HTT: variants seen among roughly 807,000 people sequenced by gnomAD.
HTT encodes huntington disease protein.
HTT carries 104 observed loss-of-function variants against 362.3 expected under a neutral mutation model. The observed-to-expected ratio is 0.29, with a 90% CI of 0.24 to 0.34. The LOEUF (loss-of-function observed/expected upper bound fraction) is 0.34. Among genes scored for constraint, HTT ranks in the 10% least tolerant of loss-of-function variants. The pLI, the probability that HTT is intolerant of heterozygous loss-of-function variation, is 1.00. For synonymous variants in HTT, 1,577 were observed against 1,548.7 expected (o/e 1.02, Z -0.43); for missense variants, 3,301 against 3,928.6 (o/e 0.84, Z 4.27).
chr4:3,199,949 T>C lies in HTT; in HGVS notation c.5576+10T>C. 6.2e-7 allele frequency: 1 copy of C among 1,608,442 alleles called. No homozygotes were observed. Among genetic ancestry groups the C allele is most frequent in the African/African-American group, 1.3e-5 (1 of 74,928 alleles). ...TGCAGCAGACCCCGAAGTAGGTTCA[T>C]AATGCCCCACAGCCCAGGGCGCCAG... On this transcript the variant is annotated intron_variant, in intron 41 of 66. Transcript: ENST00000355072.
At chr4:3,150,513 G>C (rs995966530) in intron 26 of HTT, among the ~76,000 whole-genome samples, 2 of 152,124 alleles carry the variant, frequency 1.3e-5, no homozygotes, top group Non-Finnish European at 2.9e-5. Context: ...GACACGGTGT[G>C]ATGAGCTCAG....
chr4:3,178,471 C>T (rs769011589), intron 35 of HTT, 25 bp downstream of exon 35: 15 of 1,608,574 alleles, frequency 9.3e-6, no homozygotes, highest in South Asian at 1.1e-5. Context: ...CTTTCACTGT[C>T]GTCTTCGGTG....
chr4:3,213,221 G>T (rs1180102777), intron 49 of HTT, among the ~76,000 whole-genome samples: 1 of 152,176 alleles, frequency 6.6e-6, no homozygotes, highest in Non-Finnish European at 1.5e-5. Flanking sequence ...AGAAAGGGAG[G>T]AGTCCAAAGG....
intron 49 of HTT, among the ~76,000 whole-genome samples, chr4:3,213,690 A>G (rs1426967829): frequency 2.0e-5 from 3 of 152,166 alleles, no homozygotes; most frequent in Non-Finnish European, 4.4e-5. Flanking sequence ...AGCCCAGGAG[A>G]GATTTCTACA....
At chr4:3,099,832 G>T (rs1714061397) in intron 3 of HTT, among the ~76,000 whole-genome samples, 2 of 150,090 alleles carry the variant, frequency 1.3e-5, no homozygotes, top group Non-Finnish European at 3.0e-5. Flanking sequence ...GTGCTCTATT[G>T]TATGGTTTGG....
chr4:3,218,878 G>C lies in HTT; in HGVS notation c.7242+926G>C, dbSNP rs1268928447. The stretch of plus-strand genomic sequence containing the variant: ...CCAGCAGGTGTAGGTCAGGGAGAAT[G>C]GAGCCAGGTCCCAGGGAAGAGGCTT... On this transcript the variant is annotated intron_variant, in intron 52 of 66. Transcript: ENST00000355072. The surrounding 1 kb of genome is among the most constrained non-coding windows in gnomAD (Gnocchi z 4.4). Among the ~76,000 whole-genome samples, 1 of 152,194 alleles carries C rather than the reference G, an allele frequency of 6.6e-6. No homozygotes were observed. The highest frequency in any genetic ancestry group is 1.5e-5 in the Non-Finnish European group (1 of 68,044).
Position 3,217,820 on chromosome 4 carries a change from G to A in HTT, c.7110G>A (p.Leu2370=). Residue 2370 remains leucine, a synonymous_variant, in exon 52 of 67, where the codon CTG becomes CTA. Coordinates refer to ENST00000355072, the MANE Select transcript of HTT (RefSeq NM_001388492.1). The part of the protein sequence containing the change: ...CEMVAEMVES[L]QSVLALGHKR... ...TGGTGGCAGAAATGGTGGAGTCTCT[G>A]CAGTCGGTGTTGGCCTTGGGTCATA... 1 of 1,614,206 alleles carries A rather than the reference G, an allele frequency of 6.2e-7. No homozygotes were observed. The highest frequency in any genetic ancestry group is 8.5e-7 in the Non-Finnish European group (1 of 1,180,022).
intron 1 of HTT, among the ~76,000 whole-genome samples, chr4:3,085,112 C>T (rs891544392): frequency 6.6e-6 from 1 of 151,576 alleles, no homozygotes; most frequent in Non-Finnish European, 1.5e-5. Flanking sequence ...CTTGATTACA[C>T]AATTAGAGGA....
chr4:3,127,703 C>T (rs1046399352), intron 12 of HTT, 99 bp downstream of exon 12: 5 of 850,810 alleles, frequency 5.9e-6, no homozygotes, highest in Non-Finnish European at 9.1e-6. Context: ...GGGGCTCATG[C>T]CTGTAATCCC....
At chr4:3,195,163 A>G (rs1296618983) in intron 40 of HTT, among the ~76,000 whole-genome samples, 2 of 151,610 alleles carry the variant, frequency 1.3e-5, no homozygotes, top group Non-Finnish European at 2.9e-5. Context: ...TGGCGTGGAG[A>G]AGAGATGGTT....
chr4:3,119,577 C>T (rs1235364474), intron 8 of HTT, among the ~76,000 whole-genome samples: 5 of 152,256 alleles, frequency 3.3e-5, no homozygotes, highest in Admixed American at 6.5e-5. Context: ...TTTATGAACA[C>T]GTGATGTGTA....
chr4:3,219,784 G>C (rs1720591410), intron 52 of HTT, among the ~76,000 whole-genome samples: 1 of 152,196 alleles, frequency 6.6e-6, no homozygotes. Context: ...TAAGCTGTAT[G>C]GTTCATTTTC....
At chr4:3,219,680 T>C (rs1023607498) in intron 52 of HTT, among the ~76,000 whole-genome samples, 16 of 152,206 alleles carry the variant, frequency 1.1e-4, no homozygotes, top group African/African-American at 3.9e-4. Context: ...TCCTGCCACT[T>C]GAACAGCATC....
chr4:3,085,516 T>C (rs1360933172), intron 1 of HTT, among the ~76,000 whole-genome samples: 1 of 152,196 alleles, frequency 6.6e-6, no homozygotes, highest in Non-Finnish European at 1.5e-5. Context: ...TTACCCTGTT[T>C]TTCCAGTTCT....
At chr4:3,173,672 GT>G (rs534371913) in intron 31 of HTT, among the ~76,000 whole-genome samples, 24,525 of 142,160 alleles carry the variant, frequency 0.17, 2,726 homozygotes, top group African/African-American at 0.35. Context: ...ACTTAAATTT[GT>G]TTTTTTTTTT....
intron 26 of HTT, among the ~76,000 whole-genome samples, chr4:3,152,706 T>C (rs1716957924): frequency 6.6e-6 from 1 of 151,848 alleles, no homozygotes; most frequent in Non-Finnish European, 1.5e-5. Context: ...TGTTTTTCTT[T>C]TTTTTTTAAA....
chr4:3,136,984 T>A (rs909263343), intron 21 of HTT, among the ~76,000 whole-genome samples: 5 of 151,938 alleles, frequency 3.3e-5, no homozygotes, highest in African/African-American at 1.2e-4. Flanking sequence ...CTCGGCTCAC[T>A]GCAACCTCTG....
chr4:3,109,214 GTTTC>G lies in HTT; in HGVS notation c.747+1807_747+1810del, dbSNP rs768244272. 8.6e-5 allele frequency among the ~76,000 whole-genome samples: 13 copies of G among 151,802 alleles called. No individual in the cohort carries two copies. The East Asian group carries it at 1.9e-3, about 23-fold the overall frequency. On this transcript the variant is annotated intron_variant, in intron 6 of 66. Coordinates refer to ENST00000355072, the MANE Select transcript of HTT (RefSeq NM_001388492.1). ...TATTTCTTCCAATATTTACTTTCAT[GTTTC>G]TTTCTTTCTTTCTTTTTTTTTCTTT...
intron 45 of HTT, among the ~76,000 whole-genome samples, chr4:3,208,370 T>C (rs1719971257): frequency 6.6e-6 from 1 of 152,270 alleles, no homozygotes; most frequent in Admixed American, 6.5e-5. Flanking sequence ...TGAATTCCTA[T>C]CAGTTGTCTT....
Sources: gnomAD v4.1 joint callset for allele counts (sites outside exome capture counted in the v4.1 genomes callset) on GRCh38, gnomAD v4.1.1 for gene constraint, Gnocchi (gnomAD v3.1) non-coding constraint, MANE v1.5 for transcripts, NCBI Gene and HGNC (gene_info 2026-07-23, HGNC 2026-07-21) for gene names.